Variants in AGTR1 observed in about 807,000 individuals in gnomAD.
AGTR1 encodes angiotensin II receptor type 1, also known as type-1 angiotensin II receptor.
Under a neutral mutation model 19.4 loss-of-function variants are expected in AGTR1, and 16 were observed. The observed-to-expected ratio is 0.82, with a 90% confidence interval of 0.56 to 1.25. AGTR1 has a LOEUF of 1.25. Ranked by LOEUF, AGTR1 falls within the 50% of genes most tolerant of loss-of-function variation. The pLI, the probability that AGTR1 is intolerant of heterozygous loss-of-function variation, is 0.00. For synonymous variants in AGTR1, 153 were observed against 154.9 expected (o/e 0.99, Z 0.09); for missense variants, 373 against 431.9 (o/e 0.86, Z 1.21).
At chr3:148,728,745 CA>C (rs1714093240) in intron 2 of AGTR1, among the ~76,000 whole-genome samples, 1 of 151,980 alleles carries the variant, frequency 6.6e-6, no homozygotes, top group African/African-American at 2.4e-5. Context: ...AGATAAGAAC[CA>C]AAGTTAACTG....
rs1713022707 is a variant in AGTR1, at chr3:148,712,147, C to G, written c.-48+4120C>G. Among the ~76,000 whole-genome samples the G allele has an allele frequency of 2.0e-5, 3 of 152,124 alleles. No individual in the cohort carries two copies. In the South Asian group the frequency reaches 6.2e-4, roughly 32 times the overall value. ...GACAGGAAAGGCTTTTAGCTGGAAT[C>G]AAGAGTGCTGTTGTCTTTTCCCTTC... On this transcript the variant is annotated intron_variant, in intron 2 of 2. Transcript: ENST00000349243.
At chr3:148,712,477 A>T (rs1344733396) in intron 2 of AGTR1, among the ~76,000 whole-genome samples, 1 of 152,152 alleles carries the variant, frequency 6.6e-6, no homozygotes, top group Non-Finnish European at 1.5e-5. Context: ...ACCAGAAAAA[A>T]ACAGAGCCAC....
intron 2 of AGTR1, among the ~76,000 whole-genome samples, chr3:148,712,755 T>C (rs1471265795): frequency 2.6e-5 from 4 of 152,184 alleles, no homozygotes; most frequent in African/African-American, 9.7e-5. Flanking sequence ...TCTCATGTGA[T>C]ATACAAAATT....
intron 2 of AGTR1, among the ~76,000 whole-genome samples, chr3:148,710,611 A>AT (rs1448524376): frequency 1.3e-5 from 2 of 152,138 alleles, no homozygotes; most frequent in Admixed American, 6.6e-5. Context: ...TAATTAATTG[A>AT]TTTTTTAAGC....
chr3:148,723,673 G>T (rs1713772573), intron 2 of AGTR1, among the ~76,000 whole-genome samples: 1 of 152,176 alleles, frequency 6.6e-6, no homozygotes, highest in Non-Finnish European at 1.5e-5. Flanking sequence ...AGTTCAGGCT[G>T]CCATTCTGAA....
intron 1 of AGTR1, among the ~76,000 whole-genome samples, chr3:148,701,919 A>G (rs925071404): frequency 6.6e-6 from 1 of 151,702 alleles, no homozygotes; most frequent in Non-Finnish European, 1.5e-5. Flanking sequence ...GGATTTAAGT[A>G]CTCTGTATGC....
chr3:148,717,252 C>A (rs1424692031), intron 2 of AGTR1, among the ~76,000 whole-genome samples: 1 of 152,094 alleles, frequency 6.6e-6, no homozygotes, highest in Non-Finnish European at 1.5e-5. Context: ...TGGTGTCAGG[C>A]ACTGTGTCAT....
At position 148,741,141 on chromosome 3, in the gene AGTR1, A is replaced by T. The variant is rs770976926; in HGVS notation, c.106A>T (p.Ser36Cys). The T allele has an allele frequency of 3.1e-6, 5 of 1,614,180 alleles. No individual in the cohort carries two copies. In the South Asian group the frequency reaches 5.5e-5, roughly 18 times the overall value. The change falls in exon 3 of 3, where the codon AGT becomes TGT. Residue 36 changes from serine (S) to cysteine (C), a missense_variant. Ser to Cys is a moderately radical substitution (Grantham distance 112). Coordinates refer to ENST00000349243, the MANE Select transcript of AGTR1 (RefSeq NM_000685.5). ...ATTTGTCATGATTCCTACTTTATAC[A>T]GTATCATCTTTGTGGTGGGAATATT... The part of the protein sequence containing the change: ...YIFVMIPTLY[S>C]IIFVVGIFGN...
At chr3:148,727,435 A>G (rs1485405743) in intron 2 of AGTR1, among the ~76,000 whole-genome samples, 3 of 152,170 alleles carry the variant, frequency 2.0e-5, no homozygotes, top group Non-Finnish European at 4.4e-5. Flanking sequence ...CGAAGTGTCT[A>G]TGGCAGTGAT....
rs760846471 is a variant in AGTR1 at position 148,741,940 on chromosome 3, A to G, written c.905A>G (p.Tyr302Cys). ...AACAATTGCCTGAATCCTCTTTTTT[A>G]TGGCTTTCTGGGGAAAAAATTTAAA... The part of the protein sequence containing the change: ...YFNNCLNPLF[Y>C]GFLGKKFKRY... Residue 302 changes from tyrosine to cysteine, a missense_variant, in exon 3 of 3, where the codon TAT becomes TGT. By Grantham distance (194) the Tyr-to-Cys change is radical. Transcript: ENST00000349243. 1.3e-5 allele frequency: 21 copies of G among 1,613,980 alleles called. No homozygotes were observed. Among genetic ancestry groups the G allele is most frequent in the Non-Finnish European group, 1.8e-5 (21 of 1,179,988 alleles).
intron 2 of AGTR1, among the ~76,000 whole-genome samples, chr3:148,713,324 T>G (rs761598760): frequency 1.1e-4 from 16 of 150,782 alleles, no homozygotes; most frequent in Non-Finnish European, 1.8e-4. Flanking sequence ...GGGGGGAATA[T>G]ATATATATAT....
intron 1 of AGTR1, among the ~76,000 whole-genome samples, chr3:148,707,009 G>A (rs1434165382): frequency 6.6e-6 from 1 of 151,672 alleles, no homozygotes; most frequent in African/African-American, 2.4e-5. Flanking sequence ...TTATTATTGG[G>A]ACATTTTTGT....
At chr3:148,738,048 A>G (rs529039652) in intron 2 of AGTR1, among the ~76,000 whole-genome samples, 3 of 152,332 alleles carry the variant, frequency 2.0e-5, no homozygotes, top group East Asian at 1.9e-4. Flanking sequence ...CAGAAATTGT[A>G]TTATGAATGC....
At chr3:148,708,770 C>T (rs1712816740) in intron 2 of AGTR1, among the ~76,000 whole-genome samples, 1 of 152,108 alleles carries the variant, frequency 6.6e-6, no homozygotes, top group Non-Finnish European at 1.5e-5. Context: ...ATAAGATTTC[C>T]CCACGCCCCT....
intron 1 of AGTR1, among the ~76,000 whole-genome samples, chr3:148,707,125 A>G (rs904074267): frequency 6.6e-6 from 1 of 152,124 alleles, no homozygotes; most frequent in African/African-American, 2.4e-5. Context: ...ACAGCCATCA[A>G]AATGAATGAG....
At position 148,741,260 on chromosome 3, in the gene AGTR1, A is replaced by G. The variant is rs752098427; in HGVS notation, c.225A>G (p.Leu75=). 1.5e-5 allele frequency: 24 copies of G among 1,613,744 alleles called. No homozygotes were observed. The highest frequency in any genetic ancestry group is 1.9e-5 in the Non-Finnish European group (23 of 1,180,020). Reference sequence around the variant, plus strand: ...TTTTGAATTTAGCACTGGCTGACTTATGCTTTTTACTGACTTTGCCACTAT... The same window carrying G: ...TTTTGAATTTAGCACTGGCTGACTTGTGCTTTTTACTGACTTTGCCACTAT... ...VFLLNLALAD[L]CFLLTLPLWA... The change falls in exon 3 of 3, where the codon TTA becomes TTG. Residue 75 remains leucine, a synonymous_variant. Coordinates refer to ENST00000349243, the MANE Select transcript of AGTR1 (RefSeq NM_000685.5).
intron 2 of AGTR1, among the ~76,000 whole-genome samples, chr3:148,711,902 T>C (rs2107935615): frequency 6.6e-6 from 1 of 152,134 alleles, no homozygotes; most frequent in African/African-American, 2.4e-5. Flanking sequence ...GCACATGCAC[T>C]ATGCCCAGCT....
At chr3:148,737,149 A>C (rs1488869997) in intron 2 of AGTR1, among the ~76,000 whole-genome samples, 1 of 152,328 alleles carries the variant, frequency 6.6e-6, no homozygotes, top group East Asian at 1.9e-4. Flanking sequence ...TCAGTAGCAG[A>C]AGTGCAGACT....
Position 148,741,727 on chromosome 3 carries a change from ACAAAC to A in AGTR1, c.696_700del (p.Pro233LysfsTer2), listed in dbSNP as rs2107975487. ...AAGAAGGCTTATGAAATTCAGAAGA[ACAAAC>A]CAAGAAATGATGATATTTTTAAGAT... On this transcript the variant is annotated frameshift_variant, in exon 3 of 3. Coordinates refer to ENST00000349243, the MANE Select transcript of AGTR1 (RefSeq NM_000685.5). LOFTEE classifies it high-confidence loss of function. 3.7e-6 allele frequency: 6 copies of A among 1,614,044 alleles called. No individual in the cohort carries two copies. Among genetic ancestry groups the A allele is most frequent in the Non-Finnish European group, 5.1e-6 (6 of 1,179,992 alleles).
Sources: allele counts gnomAD v4.1 joint callset (sites outside exome capture counted in the v4.1 genomes callset), GRCh38; gene constraint gnomAD v4.1.1; transcripts MANE v1.5; gene names NCBI Gene and HGNC (gene_info 2026-07-23, HGNC 2026-07-21).